The following C18orf63 variants were observed in gnomAD, a reference collection of about 807,000 sequenced individuals.
The protein encoded by C18orf63 is uncharacterized protein C18orf63.
In C18orf63, 50 loss-of-function variants were observed where a neutral mutation model predicts 75.3. That is an observed-to-expected ratio of 0.66 (90% confidence interval 0.53 to 0.84). The LOEUF is 0.84. C18orf63 is among the 40% of genes least tolerant of loss of function. The pLI is 0.00. For missense variants in C18orf63, 732 were observed against 800.2 expected (o/e 0.91, Z 1.03); for synonymous variants, 232 against 267.6 (o/e 0.87, Z 1.30).
In C18orf63 at chr18:74,346,074, CTTTAA is replaced by C. The variant is rs200665054; in HGVS notation, c.978+2377_978+2381del. On this transcript the variant is annotated intron_variant, in intron 11 of 13. Transcript: ENST00000579455. ...TTTCTCCACATATTAAATATATATT[CTTTAA>C]TTTATCTCAATAATAGTTTATAACT... Among the ~76,000 whole-genome samples, 1,074 of 151,952 alleles carry C rather than the reference CTTTAA, an allele frequency of 7.1e-3. 15 individuals carry two copies. Among genetic ancestry groups the C allele is most frequent in the African/African-American group, 0.025 (1,026 of 41,438 alleles).
intron 8 of C18orf63, among the ~76,000 whole-genome samples, chr18:74,340,084 G>C (rs759867676): frequency 1.3e-5 from 2 of 152,142 alleles, no homozygotes; most frequent in Non-Finnish European, 2.9e-5. Flanking sequence ...CAGAATGAGA[G>C]AAAATATTTG....
intron 10 of C18orf63, 105 bp downstream of exon 10, chr18:74,342,431 A>G: frequency 1.5e-6 from 1 of 675,504 alleles, no homozygotes; most frequent in South Asian, 1.8e-5. Context: ...CTCTGTGTCT[A>G]ACTGAAACTA....
chr18:74,318,011 CA>C lies in C18orf63; in HGVS notation c.134+13del, dbSNP rs2145112502. On this transcript the variant is annotated intron_variant, in intron 2 of 13. Transcript: ENST00000579455. Reference sequence around the variant, plus strand: ...ATGAAGATGTGCAGGTAAAAAAATACATCTTATAACTAAGACTTTTAAAACT... The same window carrying C: ...ATGAAGATGTGCAGGTAAAAAAATACTCTTATAACTAAGACTTTTAAAACT... 6.8e-7 allele frequency: 1 copy of C among 1,462,592 alleles called. No homozygotes were observed. The highest frequency in any genetic ancestry group is 2.3e-5 in the Admixed American group (1 of 43,470). 90.6% of individuals were successfully genotyped at this position (1,462,592 alleles called of 1,614,324 possible). A position where few individuals can be genotyped will look rare whatever the true frequency, so the allele number is the denominator to read the frequency against.
intron 10 of C18orf63, 121 bp from the exon 11 acceptor site, chr18:74,343,398 A>G (rs574009031): frequency 3.6e-6 from 2 of 563,238 alleles, no homozygotes; most frequent in East Asian, 3.0e-5. Context: ...GCAATATAAA[A>G]GAGTTAAGAT....
In C18orf63 at chr18:74,342,090, C is replaced by A. The variant is rs1322708915; in HGVS notation, c.670C>A (p.His224Asn). 6.5e-6 allele frequency: 10 copies of A among 1,527,804 alleles called. No homozygotes were observed. Among genetic ancestry groups the A allele is most frequent in the Non-Finnish European group, 8.8e-6 (10 of 1,139,874 alleles). 94.6% of individuals were successfully genotyped at this position (1,527,804 alleles called of 1,614,324 possible). A position where few individuals can be genotyped will look rare whatever the true frequency, so the allele number is the denominator to read the frequency against. ...FHAIPAACPF[H>N]SYGDFQRHWD... is the part of the protein sequence containing the mutation. ...TGCCATCCCCGCTGCCTGTCCTTTT[C>A]ACTCATATGGAGATTTCCAGAGACA... Residue 224 changes from histidine (H) to asparagine (N), a missense_variant, in exon 9 of 14, where the codon CAC (histidine) becomes AAC (asparagine). Physicochemically the swap from His to Asn is moderately conservative, Grantham distance 68. Around this residue, in one of 3 missense-constraint regions of C18orf63, gnomAD observed 233 missense variants for 272.7 expected, o/e 0.85. Coordinates refer to ENST00000579455, the MANE Select transcript of C18orf63 (RefSeq NM_001174123.2).
At chr18:74,351,887 G>A (rs995472218) in intron 11 of C18orf63, among the ~76,000 whole-genome samples, 1 of 152,114 alleles carries the variant, frequency 6.6e-6, no homozygotes, top group Non-Finnish European at 1.5e-5. Context: ...TTCAAGCTGT[G>A]AACCTGTGTT....
chr18:74,336,862 C>T (rs1162186634), intron 7 of C18orf63, among the ~76,000 whole-genome samples: 1 of 152,090 alleles, frequency 6.6e-6, no homozygotes, highest in African/African-American at 2.4e-5. Context: ...TTGGCTTTCC[C>T]TCTTTCTCAC....
Position 74,334,014 on chromosome 18 carries a change from A to G in C18orf63, c.501+3072A>G, listed in dbSNP as rs570491529. Among the ~76,000 whole-genome samples the G allele has an allele frequency of 7.9e-5, 12 of 152,202 alleles. No homozygotes were observed. The East Asian group carries it at 2.3e-3, about 30-fold the overall frequency. ...TGCTACAAAAATTAGTTTCATATAT[A>G]CCTATGTTCCCACTAAATTGTAAAA... is the stretch of plus-strand genomic sequence containing the variant. On this transcript the variant is annotated intron_variant, in intron 7 of 13. Transcript: ENST00000579455.
intron 11 of C18orf63, among the ~76,000 whole-genome samples, chr18:74,344,751 A>G (rs1489410723): frequency 6.6e-6 from 1 of 152,104 alleles, no homozygotes; most frequent in African/African-American, 2.4e-5. Context: ...CCACTTAGCT[A>G]TAGTCGGTTT....
chr18:74,353,897 A>C lies in C18orf63; in HGVS notation c.1630A>C (p.Asn544His), dbSNP rs1984715843. ...VSLNKNKQLSNSAVFVVSNNN... is the reference protein window; with the variant it reads ...VSLNKNKQLSHSAVFVVSNNN... ...TTTAAACAAAAATAAGCAACTATCT[A>C]ATAGTGCAGTATTTGTGGTGTCAAA... The change falls in exon 12 of 14, where the codon AAT (asparagine) becomes CAT (histidine). Residue 544 changes from asparagine to histidine, a missense_variant. By Grantham distance (68) the Asn-to-His change is moderately conservative. Transcript: ENST00000579455. 2.0e-6 allele frequency: 3 copies of C among 1,536,044 alleles called. No homozygotes were observed. Among genetic ancestry groups the C allele is most frequent in the Non-Finnish European group, 2.6e-6 (3 of 1,146,830 alleles).
intron 8 of C18orf63, 44 bp downstream of exon 8, chr18:74,338,868 G>A: frequency 1.3e-6 from 1 of 798,258 alleles, no homozygotes; most frequent in East Asian, 3.1e-5. Context: ...TCAAAATATG[G>A]TGGTTTCCCT....
intron 1 of C18orf63, 92 bp from the exon 2 acceptor site, chr18:74,317,742 C>A (rs987267313): frequency 3.8e-5 from 27 of 710,782 alleles, no homozygotes; most frequent in Non-Finnish European, 5.4e-5. Context: ...TCATCCCATT[C>A]TAAAACAATA....
At chr18:74,341,734 A>C (rs1984491059) in intron 8 of C18orf63, among the ~76,000 whole-genome samples, 2 of 131,896 alleles carry the variant, frequency 1.5e-5, no homozygotes, top group African/African-American at 7.5e-5. Context: ...GGTCTACCAC[A>C]AAAAAAAAAA....
intron 7 of C18orf63, among the ~76,000 whole-genome samples, chr18:74,334,845 A>G (rs1015969568): frequency 4.6e-5 from 7 of 152,182 alleles, no homozygotes; most frequent in Non-Finnish European, 8.8e-5. Flanking sequence ...TCTTACTTAT[A>G]GCCTCATCTC....
chr18:74,323,577 TTA>T (rs1412459680), intron 4 of C18orf63, among the ~76,000 whole-genome samples: 4 of 152,170 alleles, frequency 2.6e-5, no homozygotes, highest in Non-Finnish European at 4.4e-5. Flanking sequence ...GAAAGGCCAT[TTA>T]CAAGCTAGCT....
intron 11 of C18orf63, among the ~76,000 whole-genome samples, chr18:74,349,292 A>G (rs1054461195): frequency 1.3e-4 from 20 of 152,188 alleles, no homozygotes; most frequent in African/African-American, 4.3e-4. Context: ...CTTCAATCCA[A>G]TTTAGGAACC....
chr18:74,317,860 G>C lies in C18orf63; in HGVS notation c.-6G>C. 6.6e-7 allele frequency: 1 copy of C among 1,521,650 alleles called. No homozygotes were observed. The highest frequency in any genetic ancestry group is 8.8e-7 in the Non-Finnish European group (1 of 1,141,030). 94.3% of individuals were successfully genotyped at this position (1,521,650 alleles called of 1,614,324 possible). On this transcript the variant is annotated 5_prime_UTR_variant, in exon 2 of 14. Transcript: ENST00000579455. Reference sequence around the variant, plus strand: ...CCTGATTGCTGAGACACTCAGTCAGGAAAGTATGAATGATTCTAGGCAGCA... The same window carrying C: ...CCTGATTGCTGAGACACTCAGTCAGCAAAGTATGAATGATTCTAGGCAGCA...
chr18:74,327,024 A>G (rs1230948907), intron 4 of C18orf63, among the ~76,000 whole-genome samples: 1 of 152,196 alleles, frequency 6.6e-6, no homozygotes, highest in African/African-American at 2.4e-5. Flanking sequence ...ATGCCCTTAT[A>G]CAAAGGCTGG....
chr18:74,316,336 C>T (rs1283546067), intron 1 of C18orf63, among the ~76,000 whole-genome samples: 3 of 152,158 alleles, frequency 2.0e-5, no homozygotes, highest in Non-Finnish European at 4.4e-5. Context: ...TGAACAAAGA[C>T]CTTAGATTCG....
Sources: allele counts gnomAD v4.1 joint callset (sites outside exome capture counted in the v4.1 genomes callset), GRCh38; gene constraint gnomAD v4.1.1; regional missense constraint gnomAD v4.1.1; transcripts MANE v1.5; gene names NCBI Gene and HGNC (gene_info 2026-07-23, HGNC 2026-07-21).